PPP1R1C: variants seen among roughly 807,000 people sequenced by gnomAD.
The protein encoded by PPP1R1C is protein phosphatase 1 regulatory inhibitor subunit 1C.
Under a neutral mutation model 17.4 loss-of-function variants are expected in PPP1R1C, and 15 were observed. The observed-to-expected ratio is 0.86, with a 90% confidence interval of 0.58 to 1.33. The LOEUF (loss-of-function observed/expected upper bound fraction) is 1.33, where lower values mean the gene tolerates loss of function less well. PPP1R1C is among the 40% of genes most tolerant of loss of function. The pLI is 0.00. For missense variants in PPP1R1C, 143 were observed against 130.0 expected, an observed-to-expected ratio of 1.10 and a Z score of -0.48; for synonymous variants, 35 against 43.1, an observed-to-expected ratio of 0.81 and a Z score of 0.73.
chr2:182,088,749 C>T (rs889081984), intron 4 of PPP1R1C, among the ~76,000 whole-genome samples: 7 of 152,178 alleles, frequency 4.6e-5, no homozygotes, highest in Non-Finnish European at 1.0e-4. Flanking sequence ...GTAATGTGTT[C>T]TTCCCTTAGT....
intron 1 of PPP1R1C, among the ~76,000 whole-genome samples, chr2:181,965,919 C>G (rs1684897558): frequency 6.6e-6 from 1 of 152,114 alleles, no homozygotes; most frequent in African/African-American, 2.4e-5. Context: ...ACAATATTAA[C>G]TCTTCCAATC....
intron 2 of PPP1R1C, among the ~76,000 whole-genome samples, chr2:182,001,834 C>T (rs1411422720): frequency 6.6e-6 from 1 of 152,066 alleles, no homozygotes; most frequent in African/African-American, 2.4e-5. Context: ...TACGAGAAAT[C>T]ACTTTAGAGT....
intron 2 of PPP1R1C, among the ~76,000 whole-genome samples, chr2:182,036,732 A>G (rs768274202): frequency 6.6e-6 from 1 of 152,020 alleles, no homozygotes; most frequent in Non-Finnish European, 1.5e-5. Flanking sequence ...TATATATAAA[A>G]CATAATGGCA....
chr2:182,017,736 A>G (rs1474698044), intron 2 of PPP1R1C, among the ~76,000 whole-genome samples: 1 of 152,152 alleles, frequency 6.6e-6, no homozygotes, highest in African/African-American at 2.4e-5. Flanking sequence ...TATTTGTCAA[A>G]ATACATTCAT....
intron 1 of PPP1R1C, among the ~76,000 whole-genome samples, chr2:181,969,751 T>C (rs1411431336): frequency 1.3e-5 from 2 of 152,212 alleles, no homozygotes; most frequent in African/African-American, 4.8e-5. Context: ...GATTTACTAT[T>C]TGAGGCTATT....
chr2:182,047,870 A>G (rs928889212), intron 2 of PPP1R1C, among the ~76,000 whole-genome samples: 1 of 152,156 alleles, frequency 6.6e-6, no homozygotes, highest in African/African-American at 2.4e-5. Flanking sequence ...AAGATTTCCA[A>G]CCTGAATCAT....
chr2:181,996,968 G>C (rs1256490898), intron 2 of PPP1R1C, among the ~76,000 whole-genome samples: 1 of 152,146 alleles, frequency 6.6e-6, no homozygotes, highest in African/African-American at 2.4e-5. Flanking sequence ...GGTGGCTCAC[G>C]CCTGTAATTC....
intron 5 of PPP1R1C, among the ~76,000 whole-genome samples, chr2:182,124,314 G>GTTTTTTTTTTTTTTTTTTTTTT (rs796745919): frequency 1.7e-4 from 7 of 42,080 alleles, no homozygotes; most frequent in Admixed American, 2.5e-4. Flanking sequence ...GTTTTTTTTT[G>GTTTTTTTTTTTTTTTTTTTTTT]TTTTTTTTTT....
chr2:182,056,702 C>T (rs917815830), intron 2 of PPP1R1C, among the ~76,000 whole-genome samples: 4 of 152,128 alleles, frequency 2.6e-5, no homozygotes, highest in African/African-American at 9.7e-5. Context: ...TAAATCATTC[C>T]TTTCCATGGT....
At chr2:182,024,899 A>G (rs926627018) in intron 2 of PPP1R1C, among the ~76,000 whole-genome samples, 1 of 151,514 alleles carries the variant, frequency 6.6e-6, no homozygotes, top group African/African-American at 2.4e-5. Context: ...CAAAAATACT[A>G]GCAATATCGT....
chr2:182,034,439 C>T (rs1280614864), intron 2 of PPP1R1C, among the ~76,000 whole-genome samples: 1 of 151,670 alleles, frequency 6.6e-6, no homozygotes, highest in Non-Finnish European at 1.5e-5. Context: ...TACAAAAGCC[C>T]TGAGGTGGGA....
At chr2:182,025,479 A>G (rs1437608123) in intron 2 of PPP1R1C, among the ~76,000 whole-genome samples, 1 of 129,148 alleles carries the variant, frequency 7.7e-6, no homozygotes, top group African/African-American at 3.0e-5. Flanking sequence ...TGTTCTTGCG[A>G]TAGTTTACTG....
intron 2 of PPP1R1C, among the ~76,000 whole-genome samples, chr2:182,045,187 G>T (rs575442892): frequency 5.3e-5 from 8 of 152,218 alleles, no homozygotes; most frequent in Middle Eastern, 3.4e-3. Flanking sequence ...TAAGATTTTC[G>T]GGATAGGTAA....
chr2:182,049,648 G>C (rs2125187019), intron 2 of PPP1R1C, among the ~76,000 whole-genome samples: 1 of 152,196 alleles, frequency 6.6e-6, no homozygotes, highest in Middle Eastern at 3.4e-3. Flanking sequence ...CTTTTCCTCT[G>C]TGAGGCAAAA....
intron 4 of PPP1R1C, among the ~76,000 whole-genome samples, chr2:182,075,721 T>A (rs867727957): frequency 2.2e-4 from 33 of 152,236 alleles, no homozygotes; most frequent in Middle Eastern, 3.2e-3. Flanking sequence ...AAAGCATTTT[T>A]AAATTCTTGT....
chr2:182,017,028 G>A (rs1406523669), intron 2 of PPP1R1C, among the ~76,000 whole-genome samples: 1 of 152,100 alleles, frequency 6.6e-6, no homozygotes, highest in Non-Finnish European at 1.5e-5. Flanking sequence ...ACAGTATATA[G>A]TTTACCCATC....
chr2:182,114,652 G>A (rs1397655362), intron 4 of PPP1R1C, among the ~76,000 whole-genome samples: 1 of 152,124 alleles, frequency 6.6e-6, no homozygotes, highest in Non-Finnish European at 1.5e-5. Flanking sequence ...ACTGCTTTGG[G>A]AATCAAAGAA....
At chr2:182,049,587 T>C (rs1381660696) in intron 2 of PPP1R1C, among the ~76,000 whole-genome samples, 1 of 152,058 alleles carries the variant, frequency 6.6e-6, no homozygotes, top group African/African-American at 2.4e-5. Context: ...AACATCAAAC[T>C]GAGAGATATG....
intron 2 of PPP1R1C, among the ~76,000 whole-genome samples, chr2:182,061,172 T>G (rs999374712): frequency 6.6e-6 from 1 of 152,036 alleles, no homozygotes; most frequent in East Asian, 1.9e-4. Flanking sequence ...AAGAGTCACT[T>G]CCCTGGTCCC....
Sources: allele counts gnomAD v4.1 joint callset (sites outside exome capture counted in the v4.1 genomes callset), GRCh38; gene constraint gnomAD v4.1.1; transcripts MANE v1.5; gene names NCBI Gene and HGNC (gene_info 2026-07-23, HGNC 2026-07-21).